Variants in MEIG1 observed in about 807,000 individuals in gnomAD.
MEIG1 encodes meiosis/spermiogenesis associated 1, also known as meiosis expressed gene 1 protein homolog.
A neutral mutation model predicts 11.3 loss-of-function variants in MEIG1; 12 were observed. That is an observed-to-expected ratio of 1.07 (90% CI 0.68 to 1.73). The LOEUF is 1.73. Ranked by LOEUF, MEIG1 falls within the 40% of genes most tolerant of loss-of-function variation. The pLI, the probability that MEIG1 is intolerant of heterozygous loss-of-function variation, is 0.00. For missense variants in MEIG1, 119 were observed against 104.9 expected (o/e 1.13, Z -0.59); for synonymous variants, 41 against 33.2 (o/e 1.24, Z -0.81).
rs1234668485 is a variant in MEIG1, at chr10:14,959,464, A to T, written c.-123A>T. On this transcript the variant is annotated 5_prime_UTR_variant, in exon 1 of 3. Coordinates refer to ENST00000407572, the MANE Select transcript of MEIG1 (RefSeq NM_001080836.3). ...CCTGCTCGCGGATCCCGAGTAGAGAACGCAAGCACCCACGCCCGCCTGCAA... is the reference window on the plus strand; with the variant it reads ...CCTGCTCGCGGATCCCGAGTAGAGATCGCAAGCACCCACGCCCGCCTGCAA... 3 of 152,598 alleles carry T rather than the reference A, an allele frequency of 2.0e-5. No homozygotes were observed. Among genetic ancestry groups the T allele is most frequent in the Non-Finnish European group, 4.4e-5 (3 of 68,344 alleles). The allele number at this position is 152,598 out of a possible 1,614,324, so 9.5% of individuals were successfully genotyped here.
downstream of MEIG1, among the ~76,000 whole-genome samples, chr10:14,976,085 G>A (rs938321871): frequency 5.9e-5 from 9 of 152,128 alleles, no homozygotes; most frequent in African/African-American, 1.4e-4. Flanking sequence ...CATCGCGGGG[G>A]GCGTCCGCCC....
At chr10:14,981,171 C>T (rs1460979958) in intron 1 of MEIG1, among the ~76,000 whole-genome samples, 17,753 of 146,134 alleles carry the variant, frequency 0.12, 1,951 homozygotes, top group African/African-American at 0.29. Flanking sequence ...AACTGGCCAA[C>T]TCTGGAGGGT....
intron 1 of MEIG1, among the ~76,000 whole-genome samples, chr10:14,979,031 C>A (rs1353466393): frequency 6.6e-6 from 1 of 151,896 alleles, no homozygotes; most frequent in Non-Finnish European, 1.5e-5. Flanking sequence ...TTCGTAATAT[C>A]CTGGTGGGAT....
downstream of MEIG1, among the ~76,000 whole-genome samples, chr10:14,976,933 T>C (rs765133016): frequency 1.6e-4 from 25 of 152,030 alleles, no homozygotes; most frequent in Non-Finnish European, 2.5e-4. Flanking sequence ...CCTGAAGAGA[T>C]GTTACTACTG....
upstream of MEIG1, among the ~76,000 whole-genome samples, chr10:14,958,351 C>A (rs1000824403): frequency 2.0e-5 from 3 of 152,064 alleles, no homozygotes; most frequent in Admixed American, 6.6e-5. Context: ...TTTAGTATGA[C>A]TCGTTTATTT....
At chr10:14,974,750 C>T (rs1459161068), downstream of MEIG1, among the ~76,000 whole-genome samples, 2 of 152,022 alleles carry the variant, frequency 1.3e-5, no homozygotes, top group Non-Finnish European at 1.5e-5. Context: ...TGATTAATGA[C>T]ACCTGATATT....
At chr10:14,966,819 C>T (rs913169315) in intron 2 of MEIG1, among the ~76,000 whole-genome samples, 2 of 152,110 alleles carry the variant, frequency 1.3e-5, no homozygotes, top group Non-Finnish European at 2.9e-5. Flanking sequence ...CGGCACACTC[C>T]ACCTCCCGGA....
intron 2 of MEIG1, among the ~76,000 whole-genome samples, chr10:14,971,712 G>C (rs1843153175): frequency 6.6e-6 from 1 of 152,194 alleles, no homozygotes; most frequent in African/African-American, 2.4e-5. Flanking sequence ...TCCTCCTGTG[G>C]TATTAATTTT....
Position 14,966,066 on chromosome 10 carries a change from C to T in MEIG1, c.-29-374C>T, listed in dbSNP as rs377281347. Among the ~76,000 whole-genome samples the T allele has an allele frequency of 5.9e-4, 70 of 118,638 alleles. 1 individual carries two copies. The highest frequency in any genetic ancestry group is 7.1e-4 in the Admixed American group (7 of 9,874). 77.8% of individuals were successfully genotyped at this position (118,638 alleles called of 152,430 possible). A position where few individuals can be genotyped will look rare whatever the true frequency, so the allele number is the denominator to read the frequency against. ...TTTTTAAGTGTTAGTTTTATTTATT[C>T]TTTTTTTTTTTTTTTGAGATGGAGT... On this transcript the variant is annotated intron_variant, in intron 1 of 2. Coordinates refer to ENST00000407572, the MANE Select transcript of MEIG1 (RefSeq NM_001080836.3).
At chr10:14,967,966 T>A (rs1843106330) in intron 2 of MEIG1, among the ~76,000 whole-genome samples, 1 of 152,202 alleles carries the variant, frequency 6.6e-6, no homozygotes, top group African/African-American at 2.4e-5. Context: ...AAGTTCAAAC[T>A]TGCATTGGTC....
At chr10:14,962,165 C>A (rs80292793) in intron 1 of MEIG1, among the ~76,000 whole-genome samples, 45 of 152,298 alleles carry the variant, frequency 3.0e-4, no homozygotes, top group Admixed American at 9.2e-4. Flanking sequence ...ACCACTCAGT[C>A]TGCAAGAGCT....
chr10:14,973,115 C>T (rs1843171085), downstream of MEIG1, among the ~76,000 whole-genome samples: 1 of 152,168 alleles, frequency 6.6e-6, no homozygotes, highest in African/African-American at 2.4e-5. Flanking sequence ...ATCTGCCCGC[C>T]TCAGCCTCCC....
chr10:14,962,638 G>A (rs551938149), intron 1 of MEIG1, among the ~76,000 whole-genome samples: 8 of 152,214 alleles, frequency 5.3e-5, no homozygotes, highest in African/African-American at 1.9e-4. Flanking sequence ...AAAAAGTCAA[G>A]CCTAAAGCAA....
upstream of MEIG1, among the ~76,000 whole-genome samples, chr10:14,957,851 T>C (rs925084907): frequency 6.6e-6 from 1 of 152,278 alleles, no homozygotes; most frequent in East Asian, 1.9e-4. Context: ...TTTCACCATA[T>C]TGGCCAGGCT....
chr10:14,980,640 A>G (rs1157675835), intron 1 of MEIG1, among the ~76,000 whole-genome samples: 1 of 152,138 alleles, frequency 6.6e-6, no homozygotes, highest in Non-Finnish European at 1.5e-5. Context: ...GTGTCCCAGC[A>G]AAAGCTCAAC....
At chr10:14,987,121 C>G (rs1390961327) in intron 2 of MEIG1, 1 of 797,676 alleles carries the variant, frequency 1.3e-6, no homozygotes, top group African/African-American at 1.7e-5. Flanking sequence ...AAAAAAGGAC[C>G]AAGAAAGACA....
chr10:14,964,636 C>CTTTTT lies in MEIG1; in HGVS notation c.-29-1786_-29-1782dup, dbSNP rs35249492. Among the ~76,000 whole-genome samples, 71 of 49,210 alleles carry CTTTTT rather than the reference C, an allele frequency of 1.4e-3. 3 individuals carry two copies. Among genetic ancestry groups the CTTTTT allele is most frequent in the Admixed American group, 2.7e-3 (8 of 2,920 alleles). The allele number at this position is 49,210 out of a possible 152,430, so 32.3% of individuals were successfully genotyped here. On this transcript the variant is annotated intron_variant, in intron 1 of 2. Transcript: ENST00000407572. ...ACACACACACACATATATATGTATA[C>CTTTTT]TTTTTTTTTTTTTTTTTTTTTTGGA...
At chr10:14,956,394 C>T (rs1249095034), upstream of MEIG1, among the ~76,000 whole-genome samples, 1 of 149,080 alleles carries the variant, frequency 6.7e-6, no homozygotes, top group Non-Finnish European at 1.5e-5. Context: ...GCCTGACCAA[C>T]ATGGGGAAAC....
intron 1 of MEIG1, among the ~76,000 whole-genome samples, chr10:14,964,491 C>G (rs574752818): frequency 1.2e-3 from 182 of 150,936 alleles, no homozygotes; most frequent in African/African-American, 4.1e-3. Context: ...GATTTTTACC[C>G]AGTATGAAGG....
Sources: gnomAD v4.1 joint callset for allele counts (sites outside exome capture counted in the v4.1 genomes callset) on GRCh38, gnomAD v4.1.1 for gene constraint, MANE v1.5 for transcripts, NCBI Gene and HGNC (gene_info 2026-07-23, HGNC 2026-07-21) for gene names.